Variants in SHISA6 observed in about 807,000 individuals in gnomAD.
The protein encoded by SHISA6 is protein shisa-6.
A neutral mutation model predicts 47.9 loss-of-function variants in SHISA6; 22 were observed. The ratio of observed to expected loss-of-function variants is 0.46; its 90% CI spans 0.33 to 0.66. SHISA6 has a LOEUF of 0.66. Among genes scored for constraint, SHISA6 ranks in the 30% least tolerant of loss-of-function variants. The pLI, the probability that SHISA6 is intolerant of heterozygous loss-of-function variation, is 0.02. For missense variants in SHISA6, 680 were observed against 764.6 expected (o/e 0.89, Z 1.30); for synonymous variants, 388 against 337.8 (o/e 1.15, Z -1.63).
chr17:11,551,883 C>T lies in SHISA6; in HGVS notation c.896-13C>T. On this transcript the variant is annotated splice_polypyrimidine_tract_variant and intron_variant, in intron 3 of 5. Transcript: ENST00000441885. ...GAACTCTTCTTTAAAAATTTCTTTTCTATGATTTTCAGGTGATCATCAATA... is the reference window on the plus strand; with the variant it reads ...GAACTCTTCTTTAAAAATTTCTTTTTTATGATTTTCAGGTGATCATCAATA... 1 of 1,551,274 alleles carries T rather than the reference C, an allele frequency of 6.4e-7. No homozygotes were observed. The highest frequency in any genetic ancestry group is 8.7e-7 in the Non-Finnish European group (1 of 1,146,666).
intron 3 of SHISA6, among the ~76,000 whole-genome samples, chr17:11,461,430 A>G (rs1915688080): frequency 6.7e-6 from 1 of 149,022 alleles, no homozygotes; most frequent in Non-Finnish European, 1.5e-5. Flanking sequence ...GGTACCTGGG[A>G]TTTGTTTTAA....
chr17:11,556,152 C>G (rs987844987), intron 5 of SHISA6, among the ~76,000 whole-genome samples: 1 of 152,158 alleles, frequency 6.6e-6, no homozygotes, highest in Non-Finnish European at 1.5e-5. Context: ...CCAATTCATG[C>G]ACCAGTTTAA....
chr17:11,279,018 A>G (rs868142842), intron 2 of SHISA6, among the ~76,000 whole-genome samples: 102 of 152,206 alleles, frequency 6.7e-4, no homozygotes, highest in African/African-American at 2.2e-3. Context: ...TGTTTTCCAC[A>G]GAAAGAAGCT....
intron 3 of SHISA6, among the ~76,000 whole-genome samples, chr17:11,400,083 GCA>G (rs1913713745): frequency 6.6e-6 from 1 of 152,032 alleles, no homozygotes; most frequent in Non-Finnish European, 1.5e-5. Flanking sequence ...CCACAAATAT[GCA>G]CATTTTCCAA....
intron 3 of SHISA6, among the ~76,000 whole-genome samples, chr17:11,452,592 C>T (rs931619532): frequency 6.6e-6 from 1 of 152,122 alleles, no homozygotes; most frequent in Non-Finnish European, 1.5e-5. Context: ...CTGAATCTCA[C>T]AGCATTCCTT....
chr17:11,514,857 C>G (rs193278565), intron 3 of SHISA6, among the ~76,000 whole-genome samples: 2 of 152,304 alleles, frequency 1.3e-5, no homozygotes, highest in African/African-American at 4.8e-5. Context: ...ACTAAAAATC[C>G]TTGTAGTGGC....
intron 3 of SHISA6, among the ~76,000 whole-genome samples, chr17:11,529,034 T>TA (rs943523094): frequency 4.0e-5 from 6 of 151,462 alleles, no homozygotes; most frequent in African/African-American, 1.2e-4. Flanking sequence ...CTACTAAAAA[T>TA]ACAAAAAAAT....
At chr17:11,309,418 A>T (rs567966679) in intron 2 of SHISA6, among the ~76,000 whole-genome samples, 2 of 152,318 alleles carry the variant, frequency 1.3e-5, no homozygotes, top group East Asian at 3.9e-4. Context: ...ACCTGTATCT[A>T]TTCTGTAGGA....
At chr17:11,483,744 G>T (rs1454538114) in intron 3 of SHISA6, among the ~76,000 whole-genome samples, 1 of 152,160 alleles carries the variant, frequency 6.6e-6, no homozygotes, top group Non-Finnish European at 1.5e-5. Flanking sequence ...GATTGCTTGA[G>T]GCCAGGAGTT....
intron 3 of SHISA6, among the ~76,000 whole-genome samples, chr17:11,479,819 G>C (rs1377984364): frequency 1.3e-5 from 2 of 151,390 alleles, no homozygotes; most frequent in East Asian, 3.9e-4. Flanking sequence ...TTACCTTTTA[G>C]CTGAAGTAAA....
chr17:11,347,058 G>T (rs866387041), intron 2 of SHISA6, among the ~76,000 whole-genome samples: 46 of 152,266 alleles, frequency 3.0e-4, no homozygotes, highest in African/African-American at 1.1e-3. Context: ...AGTTCCTGTT[G>T]ATGAACATAC....
intron 2 of SHISA6, among the ~76,000 whole-genome samples, chr17:11,365,096 A>G (rs1267716054): frequency 6.6e-6 from 1 of 152,172 alleles, no homozygotes; most frequent in African/African-American, 2.4e-5. Flanking sequence ...TGAAGATTAA[A>G]TGAGGTAGTG....
At chr17:11,473,778 A>T (rs933381904) in intron 3 of SHISA6, among the ~76,000 whole-genome samples, 2 of 152,056 alleles carry the variant, frequency 1.3e-5, no homozygotes, top group African/African-American at 4.8e-5. Context: ...TTCAGGATAC[A>T]TGTGCAGATT....
chr17:11,536,665 C>T (rs1005019068), intron 3 of SHISA6, among the ~76,000 whole-genome samples: 5 of 152,118 alleles, frequency 3.3e-5, no homozygotes, highest in Admixed American at 1.3e-4. Context: ...CCTGCAGGCC[C>T]GCTTGGCACT....
intron 2 of SHISA6, among the ~76,000 whole-genome samples, chr17:11,325,409 T>C (rs1910844585): frequency 6.6e-6 from 1 of 152,258 alleles, no homozygotes; most frequent in African/African-American, 2.4e-5. Flanking sequence ...ATTGGGCAGC[T>C]GGGTGACCCA....
intron 3 of SHISA6, among the ~76,000 whole-genome samples, chr17:11,429,151 T>G (rs1403723436): frequency 6.6e-6 from 1 of 152,158 alleles, no homozygotes; most frequent in African/African-American, 2.4e-5. Context: ...TGTGGGCTGT[T>G]GGACTGAGGA....
At chr17:11,401,982 C>A (rs1394460837) in intron 3 of SHISA6, among the ~76,000 whole-genome samples, 1 of 152,182 alleles carries the variant, frequency 6.6e-6, no homozygotes, top group Non-Finnish European at 1.5e-5. Flanking sequence ...AATGAACACT[C>A]CCTTTCATAA....
chr17:11,265,586 A>G (rs1908397275), intron 2 of SHISA6, among the ~76,000 whole-genome samples: 1 of 152,056 alleles, frequency 6.6e-6, no homozygotes, highest in South Asian at 2.1e-4. Flanking sequence ...TATTATCACC[A>G]CCTTTGAGTA....
chr17:11,529,215 T>A (rs1026296118), intron 3 of SHISA6, among the ~76,000 whole-genome samples: 1 of 151,444 alleles, frequency 6.6e-6, no homozygotes, highest in Non-Finnish European at 1.5e-5. Context: ...TAAAAAAAAT[T>A]AAAAAAAGAA....
Sources: gnomAD v4.1 joint callset for allele counts (sites outside exome capture counted in the v4.1 genomes callset) on GRCh38, gnomAD v4.1.1 for gene constraint, MANE v1.5 for transcripts, NCBI Gene and HGNC (gene_info 2026-07-23, HGNC 2026-07-21) for gene names.